Variants in SLC39A9 observed in about 807,000 individuals in gnomAD.
SLC39A9 encodes the protein solute carrier family 39 member 9.
Under a neutral mutation model 28.4 loss-of-function variants are expected in SLC39A9, and 14 were observed. The ratio of observed to expected loss-of-function variants is 0.49; its 90% CI spans 0.33 to 0.77. SLC39A9 has a LOEUF of 0.77. Among genes scored for constraint, SLC39A9 ranks in the 30% least tolerant of loss-of-function variants. The pLI is 0.02. For missense variants in SLC39A9, 283 were observed against 381.1 expected, an observed-to-expected ratio of 0.74 and a Z score of 2.14; for synonymous variants, 119 against 149.6, an observed-to-expected ratio of 0.80 and a Z score of 1.49.
chr14:69,459,152 G>A lies in SLC39A9; in HGVS notation c.*559G>A. ...TGGGATTAGGGTCAGGAAAATGATA[G>A]CAAGACACATTGAAAGCTCTCTTTA... is the stretch of plus-strand genomic sequence containing the variant. On this transcript the variant is annotated 3_prime_UTR_variant, in exon 7 of 7. Coordinates refer to ENST00000336643, the MANE Select transcript of SLC39A9 (RefSeq NM_018375.5). The A allele has an allele frequency of 1.0e-6, 1 of 985,992 alleles. No homozygotes were observed. The highest frequency in any genetic ancestry group is 4.7e-5 in the South Asian group (1 of 21,300). The allele number at this position is 985,992 out of a possible 1,614,324, so 61.1% of individuals were successfully genotyped here. A position where few individuals can be genotyped will look rare whatever the true frequency, so the allele number is the denominator to read the frequency against.
intron 2 of SLC39A9, among the ~76,000 whole-genome samples, chr14:69,427,975 G>A (rs1369537042): frequency 6.6e-6 from 1 of 152,086 alleles, no homozygotes; most frequent in East Asian, 1.9e-4. Flanking sequence ...TAAAATCATT[G>A]ATGGTTTACA....
chr14:69,414,737 A>G (rs1186934622), intron 1 of SLC39A9, among the ~76,000 whole-genome samples: 1 of 152,206 alleles, frequency 6.6e-6, no homozygotes, highest in African/African-American at 2.4e-5. Context: ...GATTTAGAAC[A>G]TATCTGTTAT....
chr14:69,451,030 A>G (rs1885585293), intron 3 of SLC39A9, among the ~76,000 whole-genome samples: 1 of 152,236 alleles, frequency 6.6e-6, no homozygotes, highest in Non-Finnish European at 1.5e-5. Context: ...TTCTAATTTT[A>G]AAGCCTCTAA....
At chr14:69,421,958 C>T (rs1254921683) in intron 1 of SLC39A9, among the ~76,000 whole-genome samples, 1 of 152,208 alleles carries the variant, frequency 6.6e-6, no homozygotes, top group Non-Finnish European at 1.5e-5. Flanking sequence ...CCTTGCGCTT[C>T]CCTGGGTGAG....
In SLC39A9 at chr14:69,431,346, C is replaced by T. The variant is rs565036096; in HGVS notation, c.205+7144C>T. Among the ~76,000 whole-genome samples, 15 of 150,748 alleles carry T rather than the reference C, an allele frequency of 1.0e-4. No individual in the cohort carries two copies. In the East Asian group the frequency reaches 1.7e-3, roughly 18 times the overall value. ...TTTGTAGATTCCTTGGGATTTGCTA[C>T]GTAAATAATCATGTCGTCTGTGAAT... On this transcript the variant is annotated intron_variant, in intron 2 of 6. Transcript: ENST00000336643.
chr14:69,457,285 C>G (rs1259029539), intron 6 of SLC39A9, among the ~76,000 whole-genome samples: 1 of 152,086 alleles, frequency 6.6e-6, no homozygotes, highest in Non-Finnish European at 1.5e-5. Context: ...TCACTGCAAC[C>G]TCTGCCTCCC....
At chr14:69,412,433 A>ATAAG (rs1275421864) in intron 1 of SLC39A9, among the ~76,000 whole-genome samples, 3 of 151,462 alleles carry the variant, frequency 2.0e-5, no homozygotes, top group African/African-American at 7.3e-5. Context: ...AAATAAATAA[A>ATAAG]TAAATGTATC....
At chr14:69,456,490 C>G (rs1343606217) in intron 6 of SLC39A9, among the ~76,000 whole-genome samples, 1 of 152,126 alleles carries the variant, frequency 6.6e-6, no homozygotes, top group Non-Finnish European at 1.5e-5. Context: ...TCCTCTTCTC[C>G]CAGCTCTCAC....
At chr14:69,447,683 G>A (rs1205741300) in intron 3 of SLC39A9, among the ~76,000 whole-genome samples, 1 of 151,948 alleles carries the variant, frequency 6.6e-6, no homozygotes, top group Non-Finnish European at 1.5e-5. Flanking sequence ...AGGCCAAGGT[G>A]GGTGGATGGC....
chr14:69,414,914 T>C (rs1436120485), intron 1 of SLC39A9, among the ~76,000 whole-genome samples: 1 of 152,254 alleles, frequency 6.6e-6, no homozygotes, highest in Admixed American at 6.5e-5. Flanking sequence ...TACTCCTTTG[T>C]GTAAAGCTTC....
intron 1 of SLC39A9, among the ~76,000 whole-genome samples, chr14:69,404,830 T>C (rs1044802618): frequency 2.6e-5 from 4 of 152,242 alleles, no homozygotes; most frequent in Non-Finnish European, 5.9e-5. Flanking sequence ...TGTTTTGTTC[T>C]TTCGTGTTTT....
At chr14:69,440,826 A>G (rs1198855269) in intron 2 of SLC39A9, among the ~76,000 whole-genome samples, 1 of 152,100 alleles carries the variant, frequency 6.6e-6, no homozygotes, top group Non-Finnish European at 1.5e-5. Flanking sequence ...GGCACGCGCC[A>G]CCGTGCCCAG....
At chr14:69,435,734 G>C (rs1450615597) in intron 2 of SLC39A9, among the ~76,000 whole-genome samples, 1 of 151,796 alleles carries the variant, frequency 6.6e-6, no homozygotes, top group South Asian at 2.1e-4. Context: ...GTGCAGTGGT[G>C]TGATCTGGGT....
chr14:69,458,647 C>T lies in SLC39A9; in HGVS notation c.*54C>T, dbSNP rs770250963. 2.9e-5 allele frequency: 43 copies of T among 1,507,978 alleles called. No individual in the cohort carries two copies. The highest frequency in any genetic ancestry group is 5.0e-5 in the South Asian group (4 of 79,232). 93.4% of individuals were successfully genotyped at this position (1,507,978 alleles called of 1,614,324 possible). Reference sequence around the variant, plus strand: ...CCGTTTGCCATCCAGTGAGAACAGCCGGCACGTGACAGCTACTCACTTCCT... The same window carrying T: ...CCGTTTGCCATCCAGTGAGAACAGCTGGCACGTGACAGCTACTCACTTCCT... On this transcript the variant is annotated 3_prime_UTR_variant, in exon 7 of 7. Transcript: ENST00000336643.
intron 1 of SLC39A9, among the ~76,000 whole-genome samples, chr14:69,407,873 G>A (rs943544696): frequency 4.0e-5 from 6 of 151,478 alleles, no homozygotes; most frequent in African/African-American, 1.5e-4. Flanking sequence ...CCCGACCTCA[G>A]GTGAATCCGG....
In SLC39A9 at chr14:69,416,260, T is replaced by G. The variant is rs577297628; in HGVS notation, c.97-7834T>G. On this transcript the variant is annotated intron_variant, in intron 1 of 6. Transcript: ENST00000336643. ...CTTTCCGATAGTTTGCTCAGAATGA[T>G]GGTTTCCAGCTTCATCCATGTCCCT... is the stretch of plus-strand genomic sequence containing the variant. Among the ~76,000 whole-genome samples, 4 of 152,298 alleles carry G rather than the reference T, an allele frequency of 2.6e-5. No homozygotes were observed. In the East Asian group the frequency reaches 7.7e-4, roughly 29 times the overall value.
chr14:69,454,769 T>A, intron 4 of SLC39A9, 43 bp from the exon 5 acceptor site: 2 of 1,508,536 alleles, frequency 1.3e-6, no homozygotes, highest in Non-Finnish European at 1.8e-6. Context: ...GTTATTGTTG[T>A]TGTTGTTTAT....
chr14:69,431,559 C>CTTT (rs80208612), intron 2 of SLC39A9, among the ~76,000 whole-genome samples: 2 of 142,418 alleles, frequency 1.4e-5, no homozygotes, highest in African/African-American at 5.1e-5. Context: ...CCCTGTTTCT[C>CTTT]TTTTTTTTTT....
At chr14:69,455,088 A>T (rs1885795508) in intron 5 of SLC39A9, among the ~76,000 whole-genome samples, 191 bp downstream of exon 5, 3 of 152,028 alleles carry the variant, frequency 2.0e-5, no homozygotes, top group Admixed American at 1.3e-4. Context: ...GAGGGGTTTC[A>T]ATTTTTTTGT....
Sources: allele counts gnomAD v4.1 joint callset (sites outside exome capture counted in the v4.1 genomes callset), GRCh38; gene constraint gnomAD v4.1.1; transcripts MANE v1.5; gene names NCBI Gene and HGNC (gene_info 2026-07-23, HGNC 2026-07-21).